The following DYSF variants were observed in gnomAD, a reference collection of about 807,000 sequenced individuals.
DYSF encodes dystrophy-associated fer-1-like 1.
Under a neutral mutation model 274.9 loss-of-function variants are expected in DYSF, and 212 were observed. That is an observed-to-expected ratio of 0.77 (90% CI 0.69 to 0.86). DYSF has a LOEUF of 0.86. Among genes scored for constraint, DYSF ranks in the 40% least tolerant of loss-of-function variants. DYSF has a pLI of 0.00. For missense variants in DYSF, 2,666 were observed against 2,783.2 expected (o/e 0.96, Z 0.95); for synonymous variants, 1,091 against 1,078.7 (o/e 1.01, Z -0.22).
At chr2:71,663,304 T>C (rs2094935803) in intron 45 of DYSF, among the ~76,000 whole-genome samples, 1 of 152,218 alleles carries the variant, frequency 6.6e-6, no homozygotes, top group Admixed American at 6.5e-5. Context: ...CACTGCACTT[T>C]CTGGGATATG....
intron 36 of DYSF, among the ~76,000 whole-genome samples, chr2:71,608,239 G>GGA (rs1236693503): frequency 1.3e-5 from 2 of 151,344 alleles, no homozygotes; most frequent in Non-Finnish European, 2.9e-5. Context: ...AGAGAGGAGA[G>GGA]GAGGGAGCCT....
At position 71,589,631 on chromosome 2, in the gene DYSF, C is replaced by T. The variant is rs779624098; in HGVS notation, c.3441C>T (p.Ser1147=). 1.7e-5 allele frequency: 27 copies of T among 1,613,970 alleles called. No homozygotes were observed. Among genetic ancestry groups the T allele is most frequent in the Middle Eastern group, 1.6e-4 (1 of 6,084 alleles). ...ATGACAAGAGTGAAGATTCCATGTC[C>T]GTCTCCACCTTGAGCTTCGGTGTGA... ...VMDDKSEDSM[S]VSTLSFGVNR... is the part of the protein sequence containing the mutation. The change falls in exon 31 of 56, where the codon TCC becomes TCT. Residue 1147 remains serine, a synonymous_variant. Coordinates refer to ENST00000410020, the MANE Select transcript of DYSF (RefSeq NM_001130987.2).
At chr2:71,553,265 A>G in intron 20 of DYSF, 77 bp downstream of exon 20, 1 of 1,600,182 alleles carries the variant, frequency 6.2e-7, no homozygotes, top group Non-Finnish European at 8.5e-7. Context: ...CCCGCCTCCC[A>G]TGGAAAGCTG....
At chr2:71,454,433 C>G (rs998544538) in intron 1 of DYSF, among the ~76,000 whole-genome samples, 1 of 152,120 alleles carries the variant, frequency 6.6e-6, no homozygotes, top group African/African-American at 2.4e-5. Context: ...TACTGCAGGG[C>G]TCTCCTCCTT....
chr2:71,672,028 C>A (rs1573117374), intron 51 of DYSF, among the ~76,000 whole-genome samples: 1 of 151,834 alleles, frequency 6.6e-6, no homozygotes, highest in African/African-American at 2.4e-5. Context: ...GGAGGGAAGG[C>A]CAGAGGGGAA....
At position 71,515,675 on chromosome 2, in the gene DYSF, C is replaced by A; in HGVS notation, c.812C>A (p.Pro271His). Residue 271 changes from proline (P) to histidine (H), a missense_variant, in exon 8 of 56, where the codon CCT becomes CAT. This residue lies in a region of DYSF where 794 missense variants were observed against 777.1 expected (regional missense o/e 1.02). Coordinates refer to ENST00000410020, the MANE Select transcript of DYSF (RefSeq NM_001130987.2). The stretch of plus-strand genomic sequence containing the variant: ...CAGCTGCCGGGGGTGAACATCAAGC[C>A]TGTGGTCAAGGTTACCGCTGCAGGG... ...GRQLPGVNIK[P>H]VVKVTAAGQT... 6.2e-7 allele frequency: 1 copy of A among 1,614,068 alleles called. No homozygotes were observed. The highest frequency in any genetic ancestry group is 8.5e-7 in the Non-Finnish European group (1 of 1,180,014).
chr2:71,608,333 A>G (rs1273884667), intron 36 of DYSF, among the ~76,000 whole-genome samples: 17 of 151,982 alleles, frequency 1.1e-4, no homozygotes. Flanking sequence ...AGTGTGAAAA[A>G]TTGGGGAGGA....
chr2:71,515,201 A>G (rs890854730), intron 7 of DYSF, among the ~76,000 whole-genome samples: 1 of 152,220 alleles, frequency 6.6e-6, no homozygotes, highest in Non-Finnish European at 1.5e-5. Context: ...CATCTTATAA[A>G]GAATAAAGAC....
In DYSF at chr2:71,565,570, T is replaced by G. The variant is rs11678449; in HGVS notation, c.2565+1357T>G. 2.4e-3 allele frequency among the ~76,000 whole-genome samples: 360 copies of G among 152,264 alleles called. 1 individual carries two copies. Among genetic ancestry groups the G allele is most frequent in the Non-Finnish European group, 4.3e-3 (292 of 68,026 alleles). Reference sequence around the variant, plus strand: ...TTCCAGGAAGTCGTTGTTGACTTACTTTAGCCTGGAACCCTGAAGCAGAGC... The same window carrying G: ...TTCCAGGAAGTCGTTGTTGACTTACGTTAGCCTGGAACCCTGAAGCAGAGC... On this transcript the variant is annotated intron_variant, in intron 24 of 55. Coordinates refer to ENST00000410020, the MANE Select transcript of DYSF (RefSeq NM_001130987.2).
chr2:71,512,743 C>T (rs1007331583), intron 5 of DYSF, among the ~76,000 whole-genome samples: 4 of 152,232 alleles, frequency 2.6e-5, no homozygotes, highest in East Asian at 3.9e-4. Flanking sequence ...GCATTAAAAC[C>T]GGAGCAGCCC....
intron 47 of DYSF, among the ~76,000 whole-genome samples, chr2:71,666,905 C>T (rs2095023664): frequency 1.3e-5 from 2 of 152,202 alleles, no homozygotes; most frequent in East Asian, 1.9e-4. Context: ...GTGGTTCCTG[C>T]TCTGGAAGTG....
intron 2 of DYSF, 140 bp from the exon 3 acceptor site, chr2:71,481,739 C>A (rs1484132591): frequency 1.8e-5 from 13 of 713,816 alleles, no homozygotes; most frequent in Admixed American, 4.0e-5. Flanking sequence ...TGCTTCCATC[C>A]ATCCATTGAT....
At chr2:71,571,425 T>TCAGCACACACAGATCACACC (rs1559189843) in intron 29 of DYSF, among the ~76,000 whole-genome samples, 11 of 35,450 alleles carry the variant, frequency 3.1e-4, no homozygotes, top group Non-Finnish European at 4.8e-4. Context: ...CAGATCACAG[T>TCAGCACACACAGATCACACC]CAGCACACAC....
chr2:71,652,764 T>C (rs1304687107), intron 42 of DYSF, among the ~76,000 whole-genome samples: 1 of 152,168 alleles, frequency 6.6e-6, no homozygotes, highest in Non-Finnish European at 1.5e-5. Context: ...GCCACAGTGA[T>C]TAAAACATGG....
intron 1 of DYSF, among the ~76,000 whole-genome samples, chr2:71,474,929 T>C (rs915963575): frequency 6.6e-6 from 1 of 152,204 alleles, no homozygotes; most frequent in Non-Finnish European, 1.5e-5. Flanking sequence ...AGGAAGCTGA[T>C]CTGTGATAGG....
intron 14 of DYSF, among the ~76,000 whole-genome samples, chr2:71,531,775 C>A (rs904855732): frequency 6.6e-6 from 1 of 152,062 alleles, no homozygotes; most frequent in Non-Finnish European, 1.5e-5. Flanking sequence ...GGAGGAAGTG[C>A]GTGTGATAGG....
Position 71,513,900 on chromosome 2 carries a change from A to G in DYSF, c.738A>G (p.Ser246=), listed in dbSNP as rs777877625. The change falls in exon 7 of 56, where the codon TCA becomes TCG. Residue 246 remains serine (S), a synonymous_variant. Coordinates refer to ENST00000410020, the MANE Select transcript of DYSF (RefSeq NM_001130987.2). ...CGCCTACATCTAGAAAGCTGCTGTC[A>G]GACAAACCGCAGGATTTCCAGGTGA... is the stretch of plus-strand genomic sequence containing the variant. The part of the protein sequence containing the change: ...RSAPTSRKLL[S]DKPQDFQIRV... 5.0e-6 allele frequency: 8 copies of G among 1,614,198 alleles called. No individual in the cohort carries two copies. Among genetic ancestry groups the G allele is most frequent in the Non-Finnish European group, 6.8e-6 (8 of 1,180,028 alleles).
upstream of DYSF, among the ~76,000 whole-genome samples, chr2:71,464,518 G>A (rs1407826761): frequency 6.6e-6 from 1 of 152,206 alleles, no homozygotes; most frequent in African/African-American, 2.4e-5. Context: ...CAGCCAGAGG[G>A]AACAGCTGAC....
chr2:71,516,303 C>T, intron 9 of DYSF, 61 bp downstream of exon 9: 1 of 1,513,036 alleles, frequency 6.6e-7, no homozygotes, highest in South Asian at 1.1e-5. Context: ...GGTGTCAGTG[C>T]ACACGCGTGT....
Sources: allele counts gnomAD v4.1 joint callset (sites outside exome capture counted in the v4.1 genomes callset), GRCh38; gene constraint gnomAD v4.1.1; regional missense constraint gnomAD v4.1.1; transcripts MANE v1.5; gene names NCBI Gene and HGNC (gene_info 2026-07-23, HGNC 2026-07-21).